SCARA5: variants seen among roughly 807,000 people sequenced by gnomAD.
SCARA5 encodes scavenger receptor class A, member 5 (putative).
SCARA5 carries 45 observed loss-of-function variants against 46.3 expected under a neutral mutation model. The observed-to-expected ratio is 0.97, with a 90% CI of 0.76 to 1.24. The LOEUF is 1.24. Ranked by LOEUF, SCARA5 falls within the 50% of genes most tolerant of loss-of-function variation. SCARA5 has a pLI of 0.00. For synonymous variants in SCARA5, 333 were observed against 306.5 expected (o/e 1.09, Z -0.90); for missense variants, 680 against 689.0 (o/e 0.99, Z 0.15).
At chr8:27,986,200 A>G (rs1449735069) in intron 2 of SCARA5, among the ~76,000 whole-genome samples, 1 of 152,222 alleles carries the variant, frequency 6.6e-6, no homozygotes, top group African/African-American at 2.4e-5. Flanking sequence ...CCTCCGCCTG[A>G]CTGGTGTGAG....
intron 7 of SCARA5, among the ~76,000 whole-genome samples, chr8:27,883,434 T>G (rs1806842994): frequency 6.6e-6 from 1 of 152,200 alleles, no homozygotes. Context: ...TTTCCCCTGC[T>G]GGGACCTGAG....
intron 4 of SCARA5, among the ~76,000 whole-genome samples, chr8:27,915,128 C>T (rs1464933214): frequency 6.6e-6 from 1 of 152,180 alleles, no homozygotes; most frequent in Non-Finnish European, 1.5e-5. Context: ...ACTTCCAGTA[C>T]CCTCAAGTCA....
At chr8:27,910,775 A>G (rs1320477723) in intron 4 of SCARA5, among the ~76,000 whole-genome samples, 2 of 152,250 alleles carry the variant, frequency 1.3e-5, no homozygotes, top group African/African-American at 4.8e-5. Flanking sequence ...GGCCAGCGTC[A>G]TGCTCAGATG....
At chr8:27,904,939 A>C in intron 6 of SCARA5, 105 bp from the exon 7 acceptor site, 1 of 1,037,630 alleles carries the variant, frequency 9.6e-7, no homozygotes, top group Non-Finnish European at 1.4e-6. Flanking sequence ...AGAAACCCTC[A>C]GGCAGGAGCC....
At chr8:27,911,490 G>A (rs922439315) in intron 4 of SCARA5, among the ~76,000 whole-genome samples, 10 of 152,146 alleles carry the variant, frequency 6.6e-5, no homozygotes, top group East Asian at 3.9e-4. Flanking sequence ...TCAGGAGTTC[G>A]AGGCCGGCCT....
intron 1 of SCARA5, among the ~76,000 whole-genome samples, chr8:27,988,389 G>A (rs914912731): frequency 6.6e-6 from 1 of 152,232 alleles, no homozygotes; most frequent in Non-Finnish European, 1.5e-5. Context: ...CATATACATT[G>A]ACTTAGGAGA....
rs1228474664 is a variant in SCARA5 at position 27,987,515 on chromosome 8, A to C, written c.101T>G (p.Leu34Arg). 1 of 1,612,454 alleles carries C rather than the reference A, an allele frequency of 6.2e-7. No homozygotes were observed. Among genetic ancestry groups the C allele is most frequent in the Admixed American group, 1.7e-5 (1 of 60,012 alleles). The change falls in exon 2 of 9, where the codon CTG becomes CGG. Residue 34 changes from leucine (L) to arginine (R), a missense_variant. Physicochemically the swap from Leu to Arg is moderately radical, Grantham distance 102 (BLOSUM62 -2). Transcript: ENST00000354914. ...FDGRSLSKLN[L>R]CEDGPCHKRR... ...CCAGCTGCACTCACCATCCTCACACAGGTTCAGCTTGGACAGGCTCCTGCC... is the reference window on the plus strand; with the variant it reads ...CCAGCTGCACTCACCATCCTCACACCGGTTCAGCTTGGACAGGCTCCTGCC...
At chr8:27,877,821 G>A (rs565410932) in intron 8 of SCARA5, among the ~76,000 whole-genome samples, 4 of 152,260 alleles carry the variant, frequency 2.6e-5, no homozygotes, top group East Asian at 1.9e-4. Flanking sequence ...CAGCTGGCTC[G>A]ACAGATTTCA....
intron 7 of SCARA5, among the ~76,000 whole-genome samples, chr8:27,888,234 G>A (rs562227914): frequency 2.6e-5 from 4 of 152,134 alleles, no homozygotes; most frequent in Non-Finnish European, 4.4e-5. Flanking sequence ...TAATGATTGT[G>A]TTTATTCTTT....
At chr8:27,892,169 A>G (rs117130604) in intron 7 of SCARA5, among the ~76,000 whole-genome samples, 1,709 of 152,326 alleles carry the variant, frequency 0.011, 26 homozygotes, top group South Asian at 0.029. Flanking sequence ...GGGATGGTGG[A>G]ATCAATAAGC....
chr8:27,892,807 C>T (rs144912177), intron 7 of SCARA5, among the ~76,000 whole-genome samples: 3,087 of 152,110 alleles, frequency 0.02, 118 homozygotes, highest in African/African-American at 0.071. Context: ...GGGGTTTCAC[C>T]GTGTTAGACA....
At chr8:27,938,682 C>CT (rs1318409100) in intron 3 of SCARA5, among the ~76,000 whole-genome samples, 5 of 152,154 alleles carry the variant, frequency 3.3e-5, no homozygotes, top group Admixed American at 6.5e-5. Flanking sequence ...TGAGGCTGCT[C>CT]TTCTACAGCC....
At chr8:27,928,581 C>A (rs1807717653) in intron 3 of SCARA5, among the ~76,000 whole-genome samples, 1 of 152,222 alleles carries the variant, frequency 6.6e-6, no homozygotes, top group Non-Finnish European at 1.5e-5. Context: ...GTCCCCAGCT[C>A]TTGCCCCACT....
intron 1 of SCARA5, among the ~76,000 whole-genome samples, chr8:27,989,366 G>A (rs1267734757): frequency 6.6e-6 from 1 of 151,944 alleles, no homozygotes; most frequent in South Asian, 2.1e-4. Context: ...GGAGTCAAGC[G>A]CTCCACTGGC....
At chr8:27,913,055 A>G (rs1807402956) in intron 4 of SCARA5, among the ~76,000 whole-genome samples, 1 of 152,224 alleles carries the variant, frequency 6.6e-6, no homozygotes, top group African/African-American at 2.4e-5. Context: ...ACACCTCCTC[A>G]GAACCATTAT....
At chr8:27,896,616 C>T (rs940620001) in intron 7 of SCARA5, among the ~76,000 whole-genome samples, 5 of 152,062 alleles carry the variant, frequency 3.3e-5, no homozygotes, top group African/African-American at 9.7e-5. Flanking sequence ...CTCAATACAA[C>T]CCCTGAGGAT....
chr8:27,892,710 G>A (rs987238451), intron 7 of SCARA5, among the ~76,000 whole-genome samples: 1 of 148,950 alleles, frequency 6.7e-6, no homozygotes, highest in East Asian at 2.0e-4. Context: ...CGGGGTTCAC[G>A]CTATTCTGCC....
At chr8:27,976,761 G>A (rs1289740434) in intron 2 of SCARA5, among the ~76,000 whole-genome samples, 1 of 152,122 alleles carries the variant, frequency 6.6e-6, no homozygotes, top group Non-Finnish European at 1.5e-5. Context: ...ACTTACGCAC[G>A]AAAAACACAG....
At chr8:27,910,255 G>A in intron 4 of SCARA5, 1 of 152,986 alleles carries the variant, frequency 6.5e-6, no homozygotes, top group Admixed American at 6.5e-5. Context: ...GCCACACCCT[G>A]ATCCTGGACT....
Sources: gnomAD v4.1 joint callset for allele counts (sites outside exome capture counted in the v4.1 genomes callset) on GRCh38, gnomAD v4.1.1 for gene constraint, MANE v1.5 for transcripts, NCBI Gene and HGNC (gene_info 2026-07-23, HGNC 2026-07-21) for gene names.